Variants in ANKIB1 observed in about 807,000 individuals in gnomAD.
ANKIB1 encodes ankyrin repeat and IBR domain-containing protein 1.
Under a neutral mutation model 122.1 loss-of-function variants are expected in ANKIB1, and 43 were observed. That is an observed-to-expected ratio of 0.35 (90% confidence interval 0.28 to 0.45). The LOEUF (loss-of-function observed/expected upper bound fraction) is 0.45. ANKIB1 is among the 20% of genes least tolerant of loss of function. The pLI is 1.00. For missense variants in ANKIB1, 992 were observed against 1,329.5 expected, an observed-to-expected ratio of 0.75 and a Z score of 3.95; for synonymous variants, 390 against 442.0, an observed-to-expected ratio of 0.88 and a Z score of 1.48.
chr7:92,263,246 T>C (rs1466981979), intron 1 of ANKIB1, among the ~76,000 whole-genome samples: 1 of 152,218 alleles, frequency 6.6e-6, no homozygotes, highest in Non-Finnish European at 1.5e-5. Flanking sequence ...GATTTAATTC[T>C]GTAATATTAA....
At chr7:92,299,357 A>G (rs1232918360) in intron 2 of ANKIB1, among the ~76,000 whole-genome samples, 4 of 152,212 alleles carry the variant, frequency 2.6e-5, no homozygotes, top group Non-Finnish European at 5.9e-5. Context: ...TGGGTGAAAG[A>G]TATATTCAAA....
chr7:92,321,280 CTCT>C (rs1802905657), intron 4 of ANKIB1, among the ~76,000 whole-genome samples: 1 of 152,052 alleles, frequency 6.6e-6, no homozygotes, highest in East Asian at 1.9e-4. Context: ...TTGAAATGTA[CTCT>C]TATTTTGAAA....
At chr7:92,250,186 G>A (rs892651115) in intron 1 of ANKIB1, among the ~76,000 whole-genome samples, 3 of 152,128 alleles carry the variant, frequency 2.0e-5, no homozygotes, top group Non-Finnish European at 2.9e-5. Context: ...CTGAGGTCAG[G>A]AGTTCGAGAC....
chr7:92,393,479 A>C (rs2115716689), intron 17 of ANKIB1, among the ~76,000 whole-genome samples: 1 of 152,256 alleles, frequency 6.6e-6, no homozygotes, highest in East Asian at 1.9e-4. Flanking sequence ...AAAAGGAAGA[A>C]TAAGCAAACT....
chr7:92,394,170 C>T lies in ANKIB1; in HGVS notation c.2283+1878C>T, dbSNP rs373187680. Reference sequence around the variant, plus strand: ...CATCTTTACAATGTGGATGGTGATACCCCATGGAAGTTCTAGAAGGATTAA... The same window carrying T: ...CATCTTTACAATGTGGATGGTGATATCCCATGGAAGTTCTAGAAGGATTAA... On this transcript the variant is annotated intron_variant, in intron 17 of 19. Transcript: ENST00000265742. Among the ~76,000 whole-genome samples, 4 of 152,130 alleles carry T rather than the reference C, an allele frequency of 2.6e-5. 1 individual carries two copies.
At chr7:92,359,865 C>G (rs1295275119) in intron 9 of ANKIB1, among the ~76,000 whole-genome samples, 1 of 152,176 alleles carries the variant, frequency 6.6e-6, no homozygotes, top group African/African-American at 2.4e-5. Context: ...TCCATTGATT[C>G]TTCTGCCTCA....
At chr7:92,307,303 C>A in intron 2 of ANKIB1, 56 bp from the exon 3 acceptor site, 1 of 1,480,298 alleles carries the variant, frequency 6.8e-7, no homozygotes. Flanking sequence ...CAATGTATTT[C>A]AAGGTAGAAA....
At chr7:92,396,340 A>G in intron 17 of ANKIB1, 25 bp from the exon 18 acceptor site, 1 of 1,295,970 alleles carries the variant, frequency 7.7e-7, no homozygotes, top group African/African-American at 1.5e-5. Flanking sequence ...GCTCTCTTGT[A>G]TTTTATAACC....
intron 3 of ANKIB1, among the ~76,000 whole-genome samples, chr7:92,314,913 G>T (rs1802762843): frequency 6.6e-6 from 1 of 152,120 alleles, no homozygotes; most frequent in South Asian, 2.1e-4. Context: ...TTGTGTGGTG[G>T]TACTGGAGAT....
intron 1 of ANKIB1, among the ~76,000 whole-genome samples, chr7:92,282,958 C>T (rs953504330): frequency 2.0e-5 from 3 of 152,090 alleles, no homozygotes; most frequent in Non-Finnish European, 4.4e-5. Context: ...TAGCTATTTT[C>T]AGTGTTCATT....
chr7:92,277,419 T>C (rs1325210463), intron 1 of ANKIB1, among the ~76,000 whole-genome samples: 2 of 152,216 alleles, frequency 1.3e-5, no homozygotes, highest in Non-Finnish European at 2.9e-5. Context: ...ACAGTGGCTT[T>C]ATTCAGATAT....
At chr7:92,318,992 A>C (rs1802850059) in intron 3 of ANKIB1, among the ~76,000 whole-genome samples, 1 of 152,182 alleles carries the variant, frequency 6.6e-6, no homozygotes, top group Admixed American at 6.5e-5. Context: ...GAAATTTAAA[A>C]ATTTAAAGTA....
chr7:92,348,287 A>G (rs1005739919), intron 7 of ANKIB1, among the ~76,000 whole-genome samples: 6 of 152,136 alleles, frequency 3.9e-5, no homozygotes, highest in African/African-American at 1.4e-4. Context: ...GGACTATACA[A>G]CTTCCCAGGG....
intron 1 of ANKIB1, among the ~76,000 whole-genome samples, chr7:92,277,861 A>T (rs1801936904): frequency 6.6e-6 from 1 of 152,168 alleles, no homozygotes; most frequent in Admixed American, 6.5e-5. Flanking sequence ...AGACAGGTGG[A>T]TCACCTGAGG....
chr7:92,362,718 T>TA (rs1803980564), intron 10 of ANKIB1, among the ~76,000 whole-genome samples: 2 of 152,336 alleles, frequency 1.3e-5, no homozygotes, highest in South Asian at 4.1e-4. Flanking sequence ...TTACTGATGT[T>TA]AAATACCATA....
At chr7:92,386,465 A>G (rs1804653084) in intron 11 of ANKIB1, 44 bp from the exon 12 acceptor site, 1 of 1,518,596 alleles carries the variant, frequency 6.6e-7, no homozygotes, top group Non-Finnish European at 8.8e-7. Flanking sequence ...AATAATTTGC[A>G]TATTAATATG....
At chr7:92,364,043 C>T (rs1488572333) in intron 10 of ANKIB1, among the ~76,000 whole-genome samples, 3 of 152,076 alleles carry the variant, frequency 2.0e-5, no homozygotes, top group Non-Finnish European at 4.4e-5. Context: ...CACAATGGCT[C>T]ACATCTGTAA....
In ANKIB1 at chr7:92,398,852, G is replaced by A; in HGVS notation, c.3173G>A (p.Ser1058Asn). 6.2e-7 allele frequency: 1 copy of A among 1,604,876 alleles called. No individual in the cohort carries two copies. The highest frequency in any genetic ancestry group is 8.5e-7 in the Non-Finnish European group (1 of 1,175,468). The change falls in exon 20 of 20, where the codon AGT (serine) becomes AAT (asparagine). Residue 1058 changes from serine to asparagine, a missense_variant. Around this residue, in one of 4 missense-constraint regions of ANKIB1, gnomAD observed 384 missense variants for 412.0 expected, o/e 0.93. Coordinates refer to ENST00000265742, the MANE Select transcript of ANKIB1 (RefSeq NM_019004.2). Reference protein sequence around the residue: ...AGEAASQAGDSGNEAANRGDG... With the variant: ...AGEAASQAGDNGNEAANRGDG... ...GAAGCAGCATCTCAAGCTGGTGACA[G>A]TGGTAACGAGGCAGCCAACAGAGGA... is the stretch of plus-strand genomic sequence containing the variant.
intron 4 of ANKIB1, among the ~76,000 whole-genome samples, chr7:92,324,327 A>G (rs1585107613): frequency 6.6e-6 from 1 of 152,144 alleles, no homozygotes; most frequent in South Asian, 2.1e-4. Context: ...TCCACCTCCC[A>G]GGTTCAAGCC....
Sources: allele counts gnomAD v4.1 joint callset (sites outside exome capture counted in the v4.1 genomes callset), GRCh38; gene constraint gnomAD v4.1.1; regional missense constraint gnomAD v4.1.1; transcripts MANE v1.5; gene names NCBI Gene and HGNC (gene_info 2026-07-23, HGNC 2026-07-21).